The following ITPR3 variants were observed in gnomAD, a reference collection of about 807,000 sequenced individuals.
The protein encoded by ITPR3 is inositol 1,4,5-trisphosphate receptor type 3.
ITPR3 carries 173 observed loss-of-function variants against 293.2 expected under a neutral mutation model. The observed-to-expected ratio is 0.59, with a 90% CI of 0.52 to 0.67. ITPR3 has a LOEUF of 0.67. Ranked by LOEUF, ITPR3 falls within the 30% of genes least tolerant of loss-of-function variation. ITPR3 has a pLI of 0.00. For missense variants in ITPR3, 2,796 were observed against 3,592.1 expected, an observed-to-expected ratio of 0.78 and a Z score of 5.66; for synonymous variants, 1,295 against 1,444.4, an observed-to-expected ratio of 0.90 and a Z score of 2.35.
At position 33,692,665 on chromosome 6, in the gene ITPR3, C is replaced by T. The variant is rs889065262; in HGVS notation, c.7459-63C>T. Reference sequence around the variant, plus strand: ...TCACAGCCCTGGCCCCAACCTGAGTCCTATCTTGCCCCAGTGAATGTGGGG... The same window carrying T: ...TCACAGCCCTGGCCCCAACCTGAGTTCTATCTTGCCCCAGTGAATGTGGGG... On this transcript the variant is annotated intron_variant, in intron 54 of 57. Coordinates refer to ENST00000605930, the MANE Select transcript of ITPR3 (RefSeq NM_002224.4). This position sits in a 1 kb window ranked among gnomAD's most constrained non-coding sequence, Gnocchi z 4.2. 2.2e-5 allele frequency: 34 copies of T among 1,542,826 alleles called. No homozygotes were observed. In the African/African-American group the frequency reaches 2.9e-4, roughly 13 times the overall value.
intron 55 of ITPR3, 113 bp from the exon 56 acceptor site, chr6:33,693,432 C>A: frequency 9.2e-7 from 1 of 1,087,056 alleles, no homozygotes; most frequent in Non-Finnish European, 1.4e-6. Context: ...GTTGGAAGCG[C>A]TCATCCCGAG....
chr6:33,680,785 G>A, intron 33 of ITPR3, 105 bp downstream of exon 33: 1 of 1,251,676 alleles, frequency 8.0e-7, no homozygotes, highest in Non-Finnish European at 1.1e-6. Flanking sequence ...AGTACAGAAA[G>A]AAGTAACAAA....
chr6:33,667,034 G>A lies in ITPR3; in HGVS notation c.1552-95G>A. 1 of 1,444,416 alleles carries A rather than the reference G, an allele frequency of 6.9e-7. No homozygotes were observed. Among genetic ancestry groups the A allele is most frequent in the Non-Finnish European group, 9.5e-7 (1 of 1,057,258 alleles). 89.5% of individuals were successfully genotyped at this position (1,444,416 alleles called of 1,614,324 possible). The stretch of plus-strand genomic sequence containing the variant: ...AGCTGATGTCCGGGCTGGCTTTAGG[G>A]CAGAGTCAGTTGGGACTCAGGGATG... On this transcript the variant is annotated intron_variant, in intron 14 of 57. Coordinates refer to ENST00000605930, the MANE Select transcript of ITPR3 (RefSeq NM_002224.4). The surrounding 1 kb of genome is among the most constrained non-coding windows in gnomAD (Gnocchi z 4.4).
In ITPR3 at chr6:33,669,208, CAGTA is replaced by C. The variant is rs1764694379; in HGVS notation, c.2189+53_2189+56del. On this transcript the variant is annotated intron_variant, in intron 18 of 57. Transcript: ENST00000605930. ...CTCTTCCTGTGCCTTTGGGCCTTCT[CAGTA>C]GGCCGTCAGTCAATCCCTGCTGAGG... is the stretch of plus-strand genomic sequence containing the variant. 2.6e-6 allele frequency: 4 copies of C among 1,557,334 alleles called. No homozygotes were observed. The South Asian group carries it at 3.5e-5, about 14-fold the overall frequency.
At chr6:33,644,881 C>T (rs941641463) in intron 2 of ITPR3, among the ~76,000 whole-genome samples, 1 of 151,470 alleles carries the variant, frequency 6.6e-6, no homozygotes, top group Non-Finnish European at 1.5e-5. Context: ...CCAGGCTGGT[C>T]TTAAACTCCT....
chr6:33,663,843 C>G lies in ITPR3; in HGVS notation c.1111C>G (p.Pro371Ala), dbSNP rs1764540307. ...CATCGCCTCTCTCTTTGAGCTGGAC[C>G]CCACCACCTTGCAGAAAACCGACTC... is the stretch of plus-strand genomic sequence containing the variant. ...NDIASLFELD[P>A]TTLQKTDSFV... The change falls in exon 11 of 58, where the codon CCC becomes GCC. Residue 371 changes from proline (P) to alanine (A), a missense_variant. Physicochemically the swap from Pro to Ala is conservative, Grantham distance 27 (BLOSUM62 -1). This residue lies in a region of ITPR3 where 955 missense variants were observed against 1,180.8 expected (regional missense o/e 0.81). Transcript: ENST00000605930. 2 of 1,614,010 alleles carry G rather than the reference C, an allele frequency of 1.2e-6. No homozygotes were observed. Among genetic ancestry groups the G allele is most frequent in the African/African-American group, 2.7e-5 (2 of 74,902 alleles).
At chr6:33,671,037 C>G in intron 20 of ITPR3, 128 bp from the exon 21 acceptor site, 1 of 1,481,316 alleles carries the variant, frequency 6.8e-7, no homozygotes, top group South Asian at 1.3e-5. Flanking sequence ...TCCGCTCTCC[C>G]TCCTGGGAAC....
intron 51 of ITPR3, 46 bp from the exon 52 acceptor site, chr6:33,690,871 G>A (rs1368725949): frequency 5.1e-6 from 8 of 1,575,908 alleles, no homozygotes; most frequent in Non-Finnish European, 6.9e-6. Context: ...AGAGTGGCCG[G>A]CCCAGCCCCT....
chr6:33,627,250 A>G (rs1031368631), intron 1 of ITPR3, among the ~76,000 whole-genome samples: 2 of 152,090 alleles, frequency 1.3e-5, no homozygotes, highest in African/African-American at 4.8e-5. Flanking sequence ...AAAAAAATAT[A>G]CATTCCATGG....
Position 33,658,880 on chromosome 6 carries a change from C to T in ITPR3, c.528+52C>T, listed in dbSNP as rs1764380521. ...GCCTGGTGGAACTCCCGAGGGGCTT[C>T]TGTAGGGTCTTCGGTGTGGGGACTG... On this transcript the variant is annotated intron_variant, in intron 5 of 57. Transcript: ENST00000605930. This position sits in a 1 kb window ranked among gnomAD's most constrained non-coding sequence, Gnocchi z 6.1. The T allele has an allele frequency of 1.2e-6, 2 of 1,608,462 alleles. No individual in the cohort carries two copies. The highest frequency in any genetic ancestry group is 1.7e-5 in the Admixed American group (1 of 59,742).
chr6:33,684,134 T>C lies in ITPR3; in HGVS notation c.4903T>C (p.Tyr1635His). The C allele has an allele frequency of 6.2e-7, 1 of 1,611,166 alleles. No individual in the cohort carries two copies. Among genetic ancestry groups the C allele is most frequent in the Non-Finnish European group, 8.5e-7 (1 of 1,179,848 alleles). ...GCTCTTCCTGGAGGGCAGTGAGGCC[T>C]ACCAGCGCTGCGAGAGTGGGGGCTT... ...ELLFLEGSEA[Y>H]QRCESGGFLS... The change falls in exon 36 of 58, where the codon TAC (tyrosine) becomes CAC (histidine). Residue 1635 changes from tyrosine (Y) to histidine (H), a missense_variant. Around this residue, in one of 8 missense-constraint regions of ITPR3, gnomAD observed 704 missense variants for 797.5 expected, o/e 0.88. Coordinates refer to ENST00000605930, the MANE Select transcript of ITPR3 (RefSeq NM_002224.4). This position sits in a 1 kb window ranked among gnomAD's most constrained non-coding sequence, Gnocchi z 4.2.
chr6:33,678,302 T>G, intron 28 of ITPR3, 119 bp from the exon 29 acceptor site: 1 of 1,388,424 alleles, frequency 7.2e-7, no homozygotes, highest in Non-Finnish European at 9.9e-7. Context: ...CCCTTTACGC[T>G]GGCCTCTTCA....
At chr6:33,686,889 G>A in intron 43 of ITPR3, 120 bp from the exon 44 acceptor site, 1 of 798,114 alleles carries the variant, frequency 1.3e-6, no homozygotes, top group Non-Finnish European at 2.1e-6. Flanking sequence ...AGGATGGGAA[G>A]GTCATGGCAC....
chr6:33,655,922 A>C lies in ITPR3; in HGVS notation c.282+35A>C. On this transcript the variant is annotated intron_variant, in intron 3 of 57. Coordinates refer to ENST00000605930, the MANE Select transcript of ITPR3 (RefSeq NM_002224.4). The surrounding 1 kb of genome is among the most constrained non-coding windows in gnomAD (Gnocchi z 4.9). ...TGTGTGCAGGCGTGCATCTGTGCAC[A>C]TGTACCAGGAACCTGGGTACACAAG... 1 of 1,612,126 alleles carries C rather than the reference A, an allele frequency of 6.2e-7. No homozygotes were observed. The highest frequency in any genetic ancestry group is 8.5e-7 in the Non-Finnish European group (1 of 1,178,748).
chr6:33,630,123 T>C (rs1287620182), intron 1 of ITPR3, among the ~76,000 whole-genome samples: 1 of 152,028 alleles, frequency 6.6e-6, no homozygotes, highest in African/African-American at 2.4e-5. Context: ...CCTGTCAAGG[T>C]ACTCGTGTTA....
At chr6:33,659,682 T>A in intron 7 of ITPR3, 133 bp downstream of exon 7, 1 of 706,496 alleles carries the variant, frequency 1.4e-6, no homozygotes, top group South Asian at 1.7e-5. Context: ...CCAGCCTCCC[T>A]CCACCTCCAC....
chr6:33,625,706 C>T (rs1018384089), intron 1 of ITPR3, among the ~76,000 whole-genome samples: 1 of 152,094 alleles, frequency 6.6e-6, no homozygotes, highest in African/African-American at 2.4e-5. Context: ...ACCTGGATCA[C>T]CCAGGGCTGG....
intron 23 of ITPR3, among the ~76,000 whole-genome samples, 158 bp downstream of exon 23, chr6:33,673,878 G>A (rs1764836265): frequency 6.6e-6 from 1 of 152,252 alleles, no homozygotes. Flanking sequence ...AGGGGGAAGG[G>A]CAGGGATCCT....
In ITPR3 at chr6:33,692,881, T is replaced by C. The variant is rs1244361936; in HGVS notation, c.7612T>C (p.Cys2538Arg). ...QKKEEILKTT[C>R]FICGLERDKF... ...GAAGGAGGAGATTCTTAAGACGACATGCTTCATCTGTGGTGAGGGCTGCTT... is the reference window on the plus strand; with the variant it reads ...GAAGGAGGAGATTCTTAAGACGACACGCTTCATCTGTGGTGAGGGCTGCTT... Residue 2538 changes from cysteine to arginine, a missense_variant, in exon 55 of 58, where the codon TGC becomes CGC. This residue lies in a region of ITPR3 where 568 missense variants were observed against 796.1 expected (regional missense o/e 0.71). Transcript: ENST00000605930. This position sits in a 1 kb window ranked among gnomAD's most constrained non-coding sequence, Gnocchi z 4.2. 1.2e-6 allele frequency: 2 copies of C among 1,613,988 alleles called. No homozygotes were observed. The highest frequency in any genetic ancestry group is 1.7e-6 in the Non-Finnish European group (2 of 1,180,008).
Sources: allele counts gnomAD v4.1 joint callset (sites outside exome capture counted in the v4.1 genomes callset), GRCh38; gene constraint gnomAD v4.1.1; regional missense constraint gnomAD v4.1.1; non-coding constraint Gnocchi (gnomAD v3.1); transcripts MANE v1.5; gene names NCBI Gene and HGNC (gene_info 2026-07-23, HGNC 2026-07-21).